The following WDR49 variants were observed in gnomAD, a reference collection of about 807,000 sequenced individuals.
The protein encoded by WDR49 is WD repeat domain 49.
WDR49 carries 107 observed loss-of-function variants against 119.5 expected under a neutral mutation model. The ratio of observed to expected loss-of-function variants is 0.90; its 90% CI spans 0.77 to 1.05. WDR49 has a LOEUF of 1.05. Among genes scored for constraint, WDR49 ranks in the 50% least tolerant of loss-of-function variants. The pLI, the probability that WDR49 is intolerant of heterozygous loss-of-function variation, is 0.00. For synonymous variants in WDR49, 425 were observed against 418.8 expected, an observed-to-expected ratio of 1.01 and a Z score of -0.18; for missense variants, 1,240 against 1,220.5, an observed-to-expected ratio of 1.02 and a Z score of -0.24.
chr3:167,645,578 TG>T lies in WDR49; in HGVS notation c.165+7682del, dbSNP rs967440096. 6.8e-4 allele frequency among the ~76,000 whole-genome samples: 103 copies of T among 152,200 alleles called. 8 individuals are homozygous for T. The highest frequency in any genetic ancestry group is 5.9e-5 in the Non-Finnish European group (4 of 68,038). ...AAAAATAAATGAAATTTTATATGGC[TG>T]GCTATACCCTCCTTTTTTGTTTGTT... On this transcript the variant is annotated intron_variant, in intron 2 of 18. Transcript: ENST00000682715.
intron 7 of WDR49, among the ~76,000 whole-genome samples, chr3:167,576,493 G>T (rs1298762743): frequency 6.6e-6 from 1 of 152,146 alleles, no homozygotes; most frequent in African/African-American, 2.4e-5. Flanking sequence ...ATCTTAGGTG[G>T]CAAAAGAGAT....
At chr3:167,499,053 C>T (rs1193905119) in intron 18 of WDR49, among the ~76,000 whole-genome samples, 1 of 151,958 alleles carries the variant, frequency 6.6e-6, no homozygotes, top group African/African-American at 2.4e-5. Flanking sequence ...CATAGATTGC[C>T]CTCACAAGAG....
At chr3:167,623,087 T>C (rs1238417233) in intron 3 of WDR49, among the ~76,000 whole-genome samples, 1 of 152,036 alleles carries the variant, frequency 6.6e-6, no homozygotes, top group Non-Finnish European at 1.5e-5. Flanking sequence ...ATGGCTTCAC[T>C]GATAAATTCC....
At chr3:167,514,648 C>T (rs1251133844) in intron 16 of WDR49, among the ~76,000 whole-genome samples, 1 of 149,952 alleles carries the variant, frequency 6.7e-6, no homozygotes, top group East Asian at 1.9e-4. Context: ...CACACACACA[C>T]ACACACACAC....
chr3:167,510,734 G>A (rs967879682), intron 16 of WDR49, among the ~76,000 whole-genome samples: 1 of 151,968 alleles, frequency 6.6e-6, no homozygotes, highest in Admixed American at 6.6e-5. Flanking sequence ...GAGACTCTTA[G>A]GTGTTAAAAT....
In WDR49 at chr3:167,576,073, T is replaced by A. The variant is rs765483546; in HGVS notation, c.1354A>T (p.Arg452Ter). The A allele has an allele frequency of 2.5e-6, 4 of 1,614,152 alleles. No homozygotes were observed. The highest frequency in any genetic ancestry group is 3.4e-6 in the Non-Finnish European group (4 of 1,180,018). ...ACSFPKSQDF[R>*]CLFHFDEAHG... ...GCTTCATCAAAGTGGAAGAGACATCTGAAGTCCTGACTTTTGGGGAAAGAA... is the reference window on the plus strand; with the variant it reads ...GCTTCATCAAAGTGGAAGAGACATCAGAAGTCCTGACTTTTGGGGAAAGAA... Residue 452 changes from arginine (R) to a stop codon, truncating the protein, a stop_gained, in exon 8 of 19, where the codon AGA becomes TGA. Coordinates refer to ENST00000682715, the MANE Select transcript of WDR49 (RefSeq NM_001366157.1). LOFTEE classifies it high-confidence loss of function.
intron 16 of WDR49, among the ~76,000 whole-genome samples, chr3:167,508,163 C>A (rs11709117): frequency 0.29 from 43,839 of 151,866 alleles, 6,499 homozygotes; most frequent in African/African-American, 0.35. Context: ...TCCTAGGCAT[C>A]AAAAAGGAAG....
At chr3:167,613,623 T>C (rs1421045462) in intron 5 of WDR49, among the ~76,000 whole-genome samples, 3 of 152,140 alleles carry the variant, frequency 2.0e-5, no homozygotes, top group African/African-American at 4.8e-5. Flanking sequence ...GTATTCTAAA[T>C]TTTCTGGCAC....
At chr3:167,531,608 A>G (rs1752855634) in intron 12 of WDR49, among the ~76,000 whole-genome samples, 1 of 152,162 alleles carries the variant, frequency 6.6e-6, no homozygotes. Flanking sequence ...ATACTGTGGC[A>G]TTTTCAACTT....
intron 10 of WDR49, among the ~76,000 whole-genome samples, chr3:167,550,931 A>G (rs944352642): frequency 2.0e-5 from 3 of 151,990 alleles, no homozygotes; most frequent in Non-Finnish European, 4.4e-5. Flanking sequence ...CTGATTATCT[A>G]GTCATTTAAT....
chr3:167,553,728 A>G (rs1316386943), intron 10 of WDR49, among the ~76,000 whole-genome samples: 1 of 152,070 alleles, frequency 6.6e-6, no homozygotes, highest in Admixed American at 6.6e-5. Flanking sequence ...CTTGTCCTTC[A>G]CAGATGAGGA....
intron 7 of WDR49, among the ~76,000 whole-genome samples, chr3:167,601,839 C>T (rs116683272): frequency 0.014 from 2,058 of 152,160 alleles, 46 homozygotes; most frequent in African/African-American, 0.047. Context: ...TTTGTGAGAA[C>T]ATTGGAAGCT....
intron 12 of WDR49, among the ~76,000 whole-genome samples, chr3:167,532,061 G>T (rs550186467): frequency 3.9e-5 from 6 of 152,198 alleles, no homozygotes; most frequent in Admixed American, 2.0e-4. Context: ...ACATAAAGCA[G>T]GTCAGAGCTT....
intron 5 of WDR49, among the ~76,000 whole-genome samples, chr3:167,616,761 A>G (rs1325879437): frequency 1.3e-5 from 2 of 152,204 alleles, no homozygotes; most frequent in Admixed American, 6.5e-5. Flanking sequence ...AGACATACAC[A>G]CATATACACA....
intron 2 of WDR49, among the ~76,000 whole-genome samples, chr3:167,652,127 A>C (rs1385609048): frequency 6.6e-6 from 1 of 152,202 alleles, no homozygotes; most frequent in Non-Finnish European, 1.5e-5. Context: ...CAGACAAATG[A>C]GGTTGGTTGA....
At chr3:167,528,586 G>A (rs1323264477) in intron 14 of WDR49, among the ~76,000 whole-genome samples, 2 of 147,424 alleles carry the variant, frequency 1.4e-5, no homozygotes, top group Non-Finnish European at 2.9e-5. Flanking sequence ...GGGCATAGTG[G>A]AACACTCCTG....
chr3:167,530,590 G>A (rs1752813172), intron 13 of WDR49, among the ~76,000 whole-genome samples: 1 of 151,650 alleles, frequency 6.6e-6, no homozygotes, highest in African/African-American at 2.4e-5. Context: ...ACAAAACGAT[G>A]AGAACAGAGA....
chr3:167,566,706 TAA>T (rs1713619369), intron 8 of WDR49: 3 of 427,256 alleles, frequency 7.0e-6, no homozygotes, highest in Non-Finnish European at 1.2e-5. Flanking sequence ...ACTGATAACA[TAA>T]ACAGTTGATT....
intron 7 of WDR49, among the ~76,000 whole-genome samples, chr3:167,592,638 T>G (rs917442347): frequency 2.6e-5 from 4 of 152,120 alleles, no homozygotes; most frequent in Non-Finnish European, 4.4e-5. Context: ...TTTCACCATG[T>G]TGGGCAGGAC....
Sources: allele counts gnomAD v4.1 joint callset (sites outside exome capture counted in the v4.1 genomes callset), GRCh38; gene constraint gnomAD v4.1.1; transcripts MANE v1.5; gene names NCBI Gene and HGNC (gene_info 2026-07-23, HGNC 2026-07-21).